The following SHISA9 variants were observed in gnomAD, a reference collection of about 807,000 sequenced individuals.
The protein encoded by SHISA9 is shisa family member 9, also known as protein shisa-9.
Under a neutral mutation model 38.0 loss-of-function variants are expected in SHISA9, and 13 were observed. That is an observed-to-expected ratio of 0.34 (90% CI 0.22 to 0.54). The LOEUF is 0.54. Ranked by LOEUF, SHISA9 falls within the 20% of genes least tolerant of loss-of-function variation. The probability of loss-of-function intolerance (pLI) is 0.91; values close to 1 mark genes in which losing one functional copy is unlikely to be tolerated. For synonymous variants in SHISA9, 275 were observed against 242.0 expected (o/e 1.14, Z -1.27); for missense variants, 538 against 575.8 (o/e 0.93, Z 0.67).
the SHISA9 span, among the ~76,000 whole-genome samples, chr16:13,444,264 A>G: frequency 1.3e-5 from 2 of 152,178 alleles, no homozygotes; most frequent in Admixed American, 1.3e-4. Context: ...CCAGCTACTC[A>G]GGATGCTGAG....
chr16:12,908,136 T>C (rs1299444324), intron 1 of SHISA9, among the ~76,000 whole-genome samples: 2 of 152,240 alleles, frequency 1.3e-5, no homozygotes, highest in African/African-American at 2.4e-5. Context: ...GTCACAACTA[T>C]TACCCTTTTA....
At chr16:13,474,186 T>G in the SHISA9 span, 1 of 152,190 alleles carries the variant, frequency 6.6e-6, no homozygotes, top group Non-Finnish European at 1.5e-5. Flanking sequence ...TTGACTTACA[T>G]CCCTCTTCTT....
intron 2 of SHISA9, among the ~76,000 whole-genome samples, chr16:13,137,825 G>A (rs1209453146): frequency 1.3e-5 from 2 of 152,030 alleles, no homozygotes; most frequent in Admixed American, 1.3e-4. Flanking sequence ...AACTATTCCT[G>A]GGCCCCAGTT....
chr16:13,117,127 C>T (rs8048245), intron 2 of SHISA9, among the ~76,000 whole-genome samples: 83 of 152,178 alleles, frequency 5.5e-4, no homozygotes, highest in African/African-American at 1.9e-3. Flanking sequence ...CCTGCGCCAC[C>T]ACCACGCCCG....
chr16:12,954,322 T>C (rs371329587), intron 2 of SHISA9, among the ~76,000 whole-genome samples: 9 of 152,184 alleles, frequency 5.9e-5, no homozygotes, highest in Non-Finnish European at 1.3e-4. Flanking sequence ...GGGCAGAATT[T>C]AGACAGAAAC....
chr16:13,454,381 C>T, the SHISA9 span, among the ~76,000 whole-genome samples: 1 of 152,108 alleles, frequency 6.6e-6, no homozygotes, highest in Admixed American at 6.5e-5. Flanking sequence ...TTCACTGACA[C>T]CTCTCCACTT....
the SHISA9 span, among the ~76,000 whole-genome samples, chr16:13,338,972 T>C: frequency 6.6e-6 from 1 of 152,224 alleles, no homozygotes; most frequent in East Asian, 1.9e-4. Context: ...TCTTGGTACA[T>C]GGAATTTCAG....
At chr16:12,997,441 C>T (rs1369697178) in intron 2 of SHISA9, among the ~76,000 whole-genome samples, 2 of 145,282 alleles carry the variant, frequency 1.4e-5, no homozygotes, top group African/African-American at 5.1e-5. Context: ...CAGTCTCGCT[C>T]TGTTGGCCAA....
chr16:13,218,488 G>A (rs1319304834), intron 4 of SHISA9, among the ~76,000 whole-genome samples: 1 of 152,204 alleles, frequency 6.6e-6, no homozygotes, highest in African/African-American at 2.4e-5. Flanking sequence ...GGTGATTTGA[G>A]CTGGGGCCAC....
At chr16:13,263,237 G>T in the SHISA9 span, among the ~76,000 whole-genome samples, 1 of 152,162 alleles carries the variant, frequency 6.6e-6, no homozygotes, top group African/African-American at 2.4e-5. Context: ...CATGGGATTT[G>T]TGGATACCTC....
chr16:13,254,687 C>T, the SHISA9 span, among the ~76,000 whole-genome samples: 11 of 152,232 alleles, frequency 7.2e-5, no homozygotes, highest in African/African-American at 2.2e-4. Flanking sequence ...TAGAGTCTTT[C>T]AGGTGGCAAA....
chr16:12,978,132 C>G (rs2072189876), intron 2 of SHISA9, among the ~76,000 whole-genome samples: 1 of 152,110 alleles, frequency 6.6e-6, no homozygotes, highest in Admixed American at 6.5e-5. Flanking sequence ...GGGCAGATGA[C>G]ACAACAATGG....
intron 2 of SHISA9, among the ~76,000 whole-genome samples, chr16:13,033,055 G>C (rs570016421): frequency 2.0e-5 from 3 of 152,208 alleles, no homozygotes; most frequent in Non-Finnish European, 2.9e-5. Context: ...ATGGTGGCCA[G>C]AATTTCCTGG....
At chr16:13,136,193 A>G (rs1334260871) in intron 2 of SHISA9, among the ~76,000 whole-genome samples, 4 of 152,074 alleles carry the variant, frequency 2.6e-5, no homozygotes, top group Admixed American at 2.6e-4. Context: ...CTCTTCATCT[A>G]CTACCTGATT....
the SHISA9 span, among the ~76,000 whole-genome samples, chr16:13,251,329 C>CA: frequency 6.6e-6 from 1 of 152,310 alleles, no homozygotes; most frequent in East Asian, 1.9e-4. Flanking sequence ...TTTTGACTAA[C>CA]TTTTTTTACT....
At chr16:13,306,935 C>A in the SHISA9 span, among the ~76,000 whole-genome samples, 3 of 152,066 alleles carry the variant, frequency 2.0e-5, no homozygotes, top group Non-Finnish European at 4.4e-5. Flanking sequence ...CCTTAGTAGT[C>A]TAATAGTAGT....
the SHISA9 span, among the ~76,000 whole-genome samples, chr16:13,422,123 T>A: frequency 4.6e-5 from 7 of 152,082 alleles, no homozygotes; most frequent in Non-Finnish European, 1.5e-5. Context: ...AAAACACAGG[T>A]CACCTCCAAG....
chr16:13,469,385 G>GGAA, the SHISA9 span, among the ~76,000 whole-genome samples: 3 of 91,328 alleles, frequency 3.3e-5, no homozygotes, highest in East Asian at 3.3e-4. Context: ...AAGAAAGAAA[G>GGAA]AAAGAAAGAA....
the SHISA9 span, among the ~76,000 whole-genome samples, chr16:13,335,039 T>C: frequency 6.6e-6 from 1 of 152,198 alleles, no homozygotes; most frequent in African/African-American, 2.4e-5. Context: ...GTGAATTGTT[T>C]CCATGTGCAA....
Sources: allele counts gnomAD v4.1 joint callset (sites outside exome capture counted in the v4.1 genomes callset), GRCh38; gene constraint gnomAD v4.1.1; transcripts MANE v1.5; gene names NCBI Gene and HGNC (gene_info 2026-07-23, HGNC 2026-07-21).